Variants in ADAMTS12 observed in about 807,000 individuals in gnomAD.
ADAMTS12 encodes the protein ADAM metallopeptidase with thrombospondin type 1 motif 12.
A neutral mutation model predicts 167.8 loss-of-function variants in ADAMTS12; 118 were observed. That is an observed-to-expected ratio of 0.70 (90% CI 0.61 to 0.82). The LOEUF (loss-of-function observed/expected upper bound fraction) is 0.82, where lower values mean the gene tolerates loss of function less well. ADAMTS12 is among the 40% of genes least tolerant of loss of function. ADAMTS12 has a pLI of 0.00. For missense variants in ADAMTS12, 1,916 were observed against 1,998.8 expected, an observed-to-expected ratio of 0.96 and a Z score of 0.79; for synonymous variants, 704 against 716.9, an observed-to-expected ratio of 0.98 and a Z score of 0.29.
intron 2 of ADAMTS12, among the ~76,000 whole-genome samples, chr5:33,840,803 A>G (rs1425931586): frequency 6.6e-6 from 1 of 152,204 alleles, no homozygotes; most frequent in African/African-American, 2.4e-5. Context: ...TTGTTTGGTC[A>G]CTGATCAGCC....
chr5:33,608,585 C>T (rs2112075833), intron 16 of ADAMTS12, among the ~76,000 whole-genome samples: 1 of 152,210 alleles, frequency 6.6e-6, no homozygotes, highest in South Asian at 2.1e-4. Flanking sequence ...ACACAGCTGC[C>T]CCAGAGAAGC....
At chr5:33,731,787 C>T (rs114970744) in intron 3 of ADAMTS12, among the ~76,000 whole-genome samples, 2,063 of 152,108 alleles carry the variant, frequency 0.014, 31 homozygotes, top group Non-Finnish European at 0.016. Flanking sequence ...ATGACCCTGC[C>T]TAAGAAATGT....
At position 33,745,257 on chromosome 5, in the gene ADAMTS12, C is replaced by T. The variant is rs146847940; in HGVS notation, c.634+6147G>A. Among the ~76,000 whole-genome samples, 938 of 152,240 alleles carry T rather than the reference C, an allele frequency of 6.2e-3. 10 individuals are homozygous for T. Among genetic ancestry groups the T allele is most frequent in the African/African-American group, 0.022 (906 of 41,532 alleles). ...GAAGGTGGGTCAGAACAGAACAAGC[C>T]TCCTCCTGCCTCCACCCAAGGCAGA... On this transcript the variant is annotated intron_variant, in intron 3 of 23. Coordinates refer to ENST00000504830, the MANE Select transcript of ADAMTS12 (RefSeq NM_030955.4).
chr5:33,583,168 T>C (rs555845908), intron 18 of ADAMTS12, among the ~76,000 whole-genome samples: 54 of 152,326 alleles, frequency 3.5e-4, no homozygotes, highest in Admixed American at 3.3e-3. Flanking sequence ...CTCTAGTAAC[T>C]ATCCTTCTAC....
intron 2 of ADAMTS12, among the ~76,000 whole-genome samples, chr5:33,771,531 T>G (rs1340258211): frequency 6.6e-6 from 1 of 152,126 alleles, no homozygotes; most frequent in Non-Finnish European, 1.5e-5. Context: ...TTTCCTATAA[T>G]TATTAGTTTC....
At chr5:33,815,761 C>G (rs1163645375) in intron 2 of ADAMTS12, among the ~76,000 whole-genome samples, 1 of 152,142 alleles carries the variant, frequency 6.6e-6, no homozygotes, top group African/African-American at 2.4e-5. Flanking sequence ...ACCCAGATCG[C>G]AAAGGTATCC....
chr5:33,536,563 A>C (rs1412101010), intron 22 of ADAMTS12, among the ~76,000 whole-genome samples: 1 of 152,188 alleles, frequency 6.6e-6, no homozygotes, highest in Admixed American at 6.5e-5. Context: ...GTATATGTTC[A>C]ATCCATAGCT....
At chr5:33,771,597 GT>G in intron 2 of ADAMTS12, among the ~76,000 whole-genome samples, 1 of 152,180 alleles carries the variant, frequency 6.6e-6, no homozygotes, top group East Asian at 1.9e-4. Flanking sequence ...AACAGATAGA[GT>G]TTTAGTTTTG....
At chr5:33,744,989 A>T (rs1023340436) in intron 3 of ADAMTS12, among the ~76,000 whole-genome samples, 3 of 152,022 alleles carry the variant, frequency 2.0e-5, no homozygotes, top group African/African-American at 7.3e-5. Context: ...AATTAAAAAA[A>T]ATTTTTTTGG....
chr5:33,803,705 C>T (rs1424862686), intron 2 of ADAMTS12, among the ~76,000 whole-genome samples: 1 of 152,182 alleles, frequency 6.6e-6, no homozygotes, highest in Non-Finnish European at 1.5e-5. Context: ...GCCTCACAAT[C>T]ATGGCGAAAG....
intron 3 of ADAMTS12, among the ~76,000 whole-genome samples, chr5:33,724,929 C>G (rs1034892422): frequency 8.5e-5 from 13 of 152,178 alleles, no homozygotes; most frequent in Admixed American, 4.6e-4. Flanking sequence ...TTTCCAAAAA[C>G]TCTTTCCAAT....
intron 2 of ADAMTS12, among the ~76,000 whole-genome samples, chr5:33,871,564 C>G (rs981444747): frequency 1.3e-5 from 2 of 151,352 alleles, no homozygotes; most frequent in Non-Finnish European, 2.9e-5. Context: ...GAAAAATGAG[C>G]CAATGCCACC....
chr5:33,548,763 A>G (rs1003038294), intron 21 of ADAMTS12, among the ~76,000 whole-genome samples: 3 of 151,950 alleles, frequency 2.0e-5, no homozygotes, highest in Non-Finnish European at 4.4e-5. Context: ...GAGCTGTAAG[A>G]GATGAAACTC....
At chr5:33,813,366 T>G (rs1490677135) in intron 2 of ADAMTS12, among the ~76,000 whole-genome samples, 1 of 152,232 alleles carries the variant, frequency 6.6e-6, no homozygotes, top group East Asian at 1.9e-4. Flanking sequence ...GTAATTTGAA[T>G]AACCTTTTTT....
At chr5:33,738,333 C>T (rs540325397) in intron 3 of ADAMTS12, among the ~76,000 whole-genome samples, 4 of 151,912 alleles carry the variant, frequency 2.6e-5, no homozygotes, top group East Asian at 1.9e-4. Flanking sequence ...TTTGGTTACT[C>T]AGGCATAAAG....
chr5:33,730,561 T>C (rs746299206), intron 3 of ADAMTS12, among the ~76,000 whole-genome samples: 2 of 152,212 alleles, frequency 1.3e-5, no homozygotes, highest in African/African-American at 2.4e-5. Flanking sequence ...TAAAGGTCTA[T>C]AATTTTATTG....
At chr5:33,546,282 A>G in intron 21 of ADAMTS12, 80 bp from the exon 22 acceptor site, 2 of 1,371,074 alleles carry the variant, frequency 1.5e-6, no homozygotes, top group Non-Finnish European at 2.0e-6. Context: ...TCGTACTGTC[A>G]TTTTTGTTAT....
Position 33,756,330 on chromosome 5 carries a change from A to C in ADAMTS12, c.490-4782T>G, listed in dbSNP as rs543237209. On this transcript the variant is annotated intron_variant, in intron 2 of 23. Transcript: ENST00000504830. The stretch of plus-strand genomic sequence containing the variant: ...CACTTCCATGGGTGCTATGGATTCC[A>C]GCACTGTGTTTCGGAGGCCACTGAG... 2.8e-4 allele frequency among the ~76,000 whole-genome samples: 43 copies of C among 152,236 alleles called. 1 individual carries two copies. The highest frequency in any genetic ancestry group is 4.1e-4 in the Non-Finnish European group (28 of 68,038).
At chr5:33,566,088 A>C (rs1399223190) in intron 19 of ADAMTS12, among the ~76,000 whole-genome samples, 1 of 152,198 alleles carries the variant, frequency 6.6e-6, no homozygotes, top group African/African-American at 2.4e-5. Context: ...AGTTCATAGG[A>C]GCACCACCCA....
Sources: gnomAD v4.1 joint callset for allele counts (sites outside exome capture counted in the v4.1 genomes callset) on GRCh38, gnomAD v4.1.1 for gene constraint, MANE v1.5 for transcripts, NCBI Gene and HGNC (gene_info 2026-07-23, HGNC 2026-07-21) for gene names.